ITGAL: variants seen among roughly 807,000 people sequenced by gnomAD.
ITGAL encodes the protein integrin subunit alpha L, also known as integrin alpha-L.
In ITGAL, 68 loss-of-function variants were observed where a neutral mutation model predicts 138.4. That is an observed-to-expected ratio of 0.49 (90% CI 0.40 to 0.60). The LOEUF (loss-of-function observed/expected upper bound fraction) is 0.60. ITGAL is among the 20% of genes least tolerant of loss of function. The pLI is 0.00. For synonymous variants in ITGAL, 561 were observed against 584.3 expected, an observed-to-expected ratio of 0.96 and a Z score of 0.57; for missense variants, 1,256 against 1,478.6, an observed-to-expected ratio of 0.85 and a Z score of 2.47.
intron 15 of ITGAL, among the ~76,000 whole-genome samples, chr16:30,497,907 A>C (rs554509685): frequency 6.6e-6 from 1 of 151,072 alleles, no homozygotes; most frequent in East Asian, 2.0e-4. Flanking sequence ...TGATCATGCC[A>C]CTGTACTCCA....
chr16:30,497,829 C>T (rs1431642083), intron 15 of ITGAL, among the ~76,000 whole-genome samples: 1 of 151,230 alleles, frequency 6.6e-6, no homozygotes, highest in African/African-American at 2.4e-5. Context: ...TGACTGTAGG[C>T]CCAGCTACTT....
rs112849356 is a variant in ITGAL, at chr16:30,488,010, G to A, written c.1007-1072G>A. Reference sequence around the variant, plus strand: ...TGGGATTACAGGCATGAGCCACCACGCACAGCCAGTGAAGAGTTCTTAAGG... The same window carrying A: ...TGGGATTACAGGCATGAGCCACCACACACAGCCAGTGAAGAGTTCTTAAGG... On this transcript the variant is annotated intron_variant, in intron 9 of 30. Coordinates refer to ENST00000356798, the MANE Select transcript of ITGAL (RefSeq NM_002209.3). 7.7e-3 allele frequency among the ~76,000 whole-genome samples: 1,170 copies of A among 152,186 alleles called. 13 individuals carry two copies. Among genetic ancestry groups the A allele is most frequent in the African/African-American group, 0.026 (1,062 of 41,550 alleles).
intron 9 of ITGAL, among the ~76,000 whole-genome samples, chr16:30,486,835 G>A (rs1311458255): frequency 6.6e-6 from 1 of 152,094 alleles, no homozygotes; most frequent in Non-Finnish European, 1.5e-5. Context: ...TCACTCTGTT[G>A]CCCAGACTGG....
At position 30,522,006 on chromosome 16, in the gene ITGAL, C is replaced by G. The variant is rs2051261439; in HGVS notation, c.*341C>G. 6.0e-5 allele frequency: 15 copies of G among 248,336 alleles called. 1 individual carries two copies. The South Asian group carries it at 9.3e-4, about 15-fold the overall frequency. 15.4% of individuals were successfully genotyped at this position (248,336 alleles called of 1,614,324 possible). On this transcript the variant is annotated 3_prime_UTR_variant, in exon 31 of 31. Transcript: ENST00000356798. The surrounding 1 kb of genome is among the most constrained non-coding windows in gnomAD (Gnocchi z 4.0). Reference sequence around the variant, plus strand: ...ACCTAGGGATGTTCTGGCCCTCACCCCTGCCCTGGGATGTCCACAGATGCC... The same window carrying G: ...ACCTAGGGATGTTCTGGCCCTCACCGCTGCCCTGGGATGTCCACAGATGCC...
At chr16:30,508,188 G>T (rs553986724) in intron 21 of ITGAL, among the ~76,000 whole-genome samples, 1 of 148,170 alleles carries the variant, frequency 6.7e-6, no homozygotes, top group Non-Finnish European at 1.5e-5. Context: ...GATTACAGGC[G>T]TGGGCCACCA....
intron 25 of ITGAL, 54 bp downstream of exon 25, chr16:30,513,900 CG>C: frequency 7.4e-7 from 1 of 1,360,126 alleles, no homozygotes; most frequent in Non-Finnish European, 1.1e-6. Flanking sequence ...TTCTTTATCC[CG>C]GGGACTGAGG....
At chr16:30,489,753 T>C (rs569396576) in intron 11 of ITGAL, among the ~76,000 whole-genome samples, 45 of 151,854 alleles carry the variant, frequency 3.0e-4, no homozygotes, top group African/African-American at 9.7e-4. Flanking sequence ...ATGGCCAACA[T>C]GGTGAAACCC....
chr16:30,509,826 C>T (rs1012538427), intron 21 of ITGAL, among the ~76,000 whole-genome samples: 3 of 151,896 alleles, frequency 2.0e-5, no homozygotes, highest in African/African-American at 4.8e-5. Flanking sequence ...ATCTCTTGAG[C>T]CCAGGAGTTC....
At chr16:30,498,853 A>T (rs2050842574) in intron 15 of ITGAL, 1 of 499,492 alleles carries the variant, frequency 2.0e-6, no homozygotes, top group East Asian at 3.4e-5. Context: ...GTGAGCTGTT[A>T]TCATGCCACT....
At chr16:30,508,859 A>G (rs1243895028) in intron 21 of ITGAL, among the ~76,000 whole-genome samples, 1 of 151,994 alleles carries the variant, frequency 6.6e-6, no homozygotes, top group East Asian at 1.9e-4. Context: ...ACCTTGTCTC[A>G]GGAAAAACAA....
intron 21 of ITGAL, among the ~76,000 whole-genome samples, chr16:30,507,457 C>CA (rs1169055291): frequency 3.6e-3 from 187 of 52,380 alleles, no homozygotes; most frequent in Middle Eastern, 0.011. Flanking sequence ...AACTCCGTCT[C>CA]AAAAAAAAAA....
At chr16:30,506,021 AG>A in intron 20 of ITGAL, among the ~76,000 whole-genome samples, 1 of 152,262 alleles carries the variant, frequency 6.6e-6, no homozygotes, top group Non-Finnish European at 1.5e-5. Flanking sequence ...GCACTTTGGG[AG>A]GCCAAGGCGG....
Position 30,489,277 on chromosome 16 carries a change from A to G in ITGAL, c.1104A>G (p.Val368=), listed in dbSNP as rs372171245. Residue 368 remains valine (V), a synonymous_variant, in exon 11 of 31, where the codon GTA becomes GTG. Coordinates refer to ENST00000356798, the MANE Select transcript of ITGAL (RefSeq NM_002209.3). ...LSRGHAVVGA[V]GAKDWAGGFL... ...AGGGCCATGCAGTCGTGGGGGCAGT[A>G]GGAGCCAAGGACTGGGCTGGGGGCT... 3.7e-6 allele frequency: 6 copies of G among 1,613,406 alleles called. No individual in the cohort carries two copies. In the South Asian group the frequency reaches 6.6e-5, roughly 18 times the overall value.
At position 30,519,892 on chromosome 16, in the gene ITGAL, G is replaced by A. The variant is rs1427446731; in HGVS notation, c.3264G>A (p.Gln1088=). 1.2e-6 allele frequency: 2 copies of A among 1,613,942 alleles called. No individual in the cohort carries two copies. The highest frequency in any genetic ancestry group is 2.2e-5 in the East Asian group (1 of 44,904). The change falls in exon 30 of 31, where the codon CAG becomes CAA. Residue 1088 remains glutamine (Q), a synonymous_variant. Transcript: ENST00000356798. ...AGGTTGACGTGGTGTATGAGAAGCA[G>A]ATGCTCTACCTCTACGTGCTGAGCG... is the stretch of plus-strand genomic sequence containing the variant. ...VMKVDVVYEK[Q]MLYLYVLSGI...
intron 13 of ITGAL, among the ~76,000 whole-genome samples, chr16:30,495,362 G>A (rs1350733169): frequency 6.6e-6 from 1 of 152,060 alleles, no homozygotes; most frequent in African/African-American, 2.4e-5. Flanking sequence ...GTTTCGACAT[G>A]TGGGCCAGGC....
intron 11 of ITGAL, among the ~76,000 whole-genome samples, chr16:30,491,102 C>T (rs1024598168): frequency 6.7e-6 from 1 of 149,846 alleles, no homozygotes; most frequent in African/African-American, 2.5e-5. Flanking sequence ...GAAGAAATGA[C>T]TCTAAAATTT....
At chr16:30,486,594 G>T (rs2050650051) in intron 9 of ITGAL, among the ~76,000 whole-genome samples, 2 of 152,142 alleles carry the variant, frequency 1.3e-5, no homozygotes, top group South Asian at 4.1e-4. Context: ...GAGAAAGGTG[G>T]AATGAGGGCA....
chr16:30,519,487 G>A (rs1258402788), intron 29 of ITGAL, among the ~76,000 whole-genome samples: 1 of 152,228 alleles, frequency 6.6e-6, no homozygotes, highest in Non-Finnish European at 1.5e-5. Flanking sequence ...GCAAGGCCAG[G>A]GGCCTCTGTG....
At chr16:30,473,751 C>T (rs1597057242) in intron 1 of ITGAL, among the ~76,000 whole-genome samples, 1 of 152,036 alleles carries the variant, frequency 6.6e-6, no homozygotes, top group Admixed American at 6.5e-5. Flanking sequence ...GGGGAGGCAG[C>T]CCCCCAGGGA....
Sources: allele counts gnomAD v4.1 joint callset (sites outside exome capture counted in the v4.1 genomes callset), GRCh38; gene constraint gnomAD v4.1.1; non-coding constraint Gnocchi (gnomAD v3.1); transcripts MANE v1.5; gene names NCBI Gene and HGNC (gene_info 2026-07-23, HGNC 2026-07-21).